Variants in SLC26A4 observed in about 807,000 individuals in gnomAD.
The protein encoded by SLC26A4 is pendrin.
A neutral mutation model predicts 90.4 loss-of-function variants in SLC26A4; 93 were observed. The ratio of observed to expected loss-of-function variants is 1.03; its 90% CI spans 0.87 to 1.22. The LOEUF is 1.22. Among genes scored for constraint, SLC26A4 ranks in the 50% most tolerant of loss-of-function variants. The probability of loss-of-function intolerance (pLI) is 0.00; values close to 1 mark genes in which losing one functional copy is unlikely to be tolerated. For synonymous variants in SLC26A4, 393 were observed against 354.6 expected (o/e 1.11, Z -1.22); for missense variants, 1,127 against 946.2 (o/e 1.19, Z -2.51).
intron 8 of SLC26A4, among the ~76,000 whole-genome samples, chr7:107,687,113 A>G (rs1791442580): frequency 6.6e-6 from 1 of 152,094 alleles, no homozygotes; most frequent in South Asian, 2.1e-4. Context: ...TGGGCCCTTC[A>G]GGGTTCACTT....
intron 6 of SLC26A4, among the ~76,000 whole-genome samples, chr7:107,675,827 C>T (rs1394716010): frequency 6.6e-6 from 1 of 152,102 alleles, no homozygotes; most frequent in Non-Finnish European, 1.5e-5. Flanking sequence ...CCACATCGGC[C>T]TCCCAAAGTG....
intron 6 of SLC26A4, among the ~76,000 whole-genome samples, chr7:107,682,890 T>C (rs544405602): frequency 1.3e-5 from 2 of 152,334 alleles, no homozygotes; most frequent in East Asian, 3.9e-4. Context: ...AAGACATCTT[T>C]ATTATTATCA....
intron 12 of SLC26A4, among the ~76,000 whole-genome samples, chr7:107,695,580 A>G (rs1345186735): frequency 6.6e-6 from 1 of 152,270 alleles, no homozygotes; most frequent in African/African-American, 2.4e-5. Context: ...AGGCAGGAGG[A>G]TCACTTGAGC....
At chr7:107,714,908 T>G (rs1361901629) in intron 20 of SLC26A4, among the ~76,000 whole-genome samples, 1 of 151,900 alleles carries the variant, frequency 6.6e-6, no homozygotes, top group Non-Finnish European at 1.5e-5. Flanking sequence ...TAATCATTGC[T>G]CTTAAATAAA....
chr7:107,675,384 G>A lies in SLC26A4; in HGVS notation c.765+275G>A, dbSNP rs1790997779. Among the ~76,000 whole-genome samples the A allele has an allele frequency of 3.3e-5, 5 of 151,370 alleles. No individual in the cohort carries two copies. The South Asian group carries it at 1.0e-3, about 32-fold the overall frequency. On this transcript the variant is annotated intron_variant, in intron 6 of 20. Transcript: ENST00000644269. ...TTGCTGGGTGTGGTGGTGCACACTTGTAGTCTCAGCTACTTGGGAGGCTGA... is the reference window on the plus strand; with the variant it reads ...TTGCTGGGTGTGGTGGTGCACACTTATAGTCTCAGCTACTTGGGAGGCTGA...
At chr7:107,687,752 G>T (rs1791457637) in intron 8 of SLC26A4, among the ~76,000 whole-genome samples, 1 of 152,222 alleles carries the variant, frequency 6.6e-6, no homozygotes, top group African/African-American at 2.4e-5. Flanking sequence ...AAGTTATCCT[G>T]ACAAGTCCGA....
At chr7:107,691,546 A>ACACACAC (rs61056189) in intron 10 of SLC26A4, among the ~76,000 whole-genome samples, 22 of 31,960 alleles carry the variant, frequency 6.9e-4, no homozygotes, top group African/African-American at 1.5e-3. Context: ...CACACACACA[A>ACACACAC]ACATATATAT....
chr7:107,663,441 A>G lies in SLC26A4; in HGVS notation c.304+6A>G. ...GCTAGTGGCCACGCTGCAAGGTAAG[A>G]TGTTGGCAGATTGAGAGTTCTGGTC... On this transcript the variant is annotated splice_donor_region_variant and intron_variant, in intron 3 of 20. Transcript: ENST00000644269. 6.2e-7 allele frequency: 1 copy of G among 1,613,848 alleles called. No homozygotes were observed. Among genetic ancestry groups the G allele is most frequent in the Non-Finnish European group, 8.5e-7 (1 of 1,179,878 alleles).
chr7:107,663,247 G>C, intron 2 of SLC26A4, 49 bp from the exon 3 acceptor site: 1 of 1,610,034 alleles, frequency 6.2e-7, no homozygotes, highest in Non-Finnish European at 8.5e-7. Flanking sequence ...TTGCAAATTG[G>C]TTGTGACTGA....
chr7:107,666,905 G>A (rs909817006), intron 3 of SLC26A4, among the ~76,000 whole-genome samples: 1 of 152,144 alleles, frequency 6.6e-6, no homozygotes, highest in Non-Finnish European at 1.5e-5. Flanking sequence ...GGGAGAATGG[G>A]TGTGTCAGCT....
chr7:107,691,268 G>A (rs567488819), intron 10 of SLC26A4, among the ~76,000 whole-genome samples: 2 of 152,090 alleles, frequency 1.3e-5, no homozygotes, highest in African/African-American at 4.8e-5. Flanking sequence ...TTGGGAGGCT[G>A]AGGTGGGCGG....
At position 107,679,920 on chromosome 7, in the gene SLC26A4, TAATATAA is replaced by T. The variant is rs1384146287; in HGVS notation, c.766-3281_766-3275del. On this transcript the variant is annotated intron_variant, in intron 6 of 20. Coordinates refer to ENST00000644269, the MANE Select transcript of SLC26A4 (RefSeq NM_000441.2). ...TAATCTTATATTATATGCTCTTATA[TAATATAA>T]TCTTATTATATAATCTTATCTTATA... Among the ~76,000 whole-genome samples, 34 of 140,326 alleles carry T rather than the reference TAATATAA, an allele frequency of 2.4e-4. 1 individual carries two copies. The highest frequency in any genetic ancestry group is 7.5e-4 in the African/African-American group (29 of 38,638). The allele number at this position is 140,326 out of a possible 152,430, so 92.1% of individuals were successfully genotyped here.
At chr7:107,699,107 TA>T (rs772083841) in intron 14 of SLC26A4, among the ~76,000 whole-genome samples, 10 of 152,174 alleles carry the variant, frequency 6.6e-5, no homozygotes, top group African/African-American at 9.7e-5. Context: ...ATCTTTCTGT[TA>T]TGTTGAGCCA....
chr7:107,690,599 T>C (rs937694582), intron 10 of SLC26A4, among the ~76,000 whole-genome samples: 1 of 152,188 alleles, frequency 6.6e-6, no homozygotes, highest in African/African-American at 2.4e-5. Flanking sequence ...TTCCTGGCTT[T>C]AGGAGCTATT....
rs973635106 is a variant in SLC26A4, at chr7:107,717,590, T to G, written c.*2144T>G. 7.9e-4 allele frequency: 120 copies of G among 152,754 alleles called. No homozygotes were observed. Among genetic ancestry groups the G allele is most frequent in the African/African-American group, 2.8e-3 (117 of 41,564 alleles). 9.5% of individuals were successfully genotyped at this position (152,754 alleles called of 1,614,324 possible). A position where few individuals can be genotyped will look rare whatever the true frequency, so the allele number is the denominator to read the frequency against. ...TCTCTTCTATGTATTTTGTGAATAG[T>G]AAGCATAATTTTAGTTTTGTATTAT... On this transcript the variant is annotated 3_prime_UTR_variant, in exon 21 of 21. Transcript: ENST00000644269.
Position 107,694,549 on chromosome 7 carries a change from CAGG to C in SLC26A4, c.1342-69_1342-67del. On this transcript the variant is annotated intron_variant, in intron 11 of 20. Coordinates refer to ENST00000644269, the MANE Select transcript of SLC26A4 (RefSeq NM_000441.2). ...CACTACTCTGCTACCAGATAAATAA[CAGG>C]AGATTTAACAATCATCACATGGAAA... The C allele has an allele frequency of 2.0e-6, 3 of 1,520,144 alleles. No individual in the cohort carries two copies. In the South Asian group the frequency reaches 3.4e-5, roughly 17 times the overall value. 94.2% of individuals were successfully genotyped at this position (1,520,144 alleles called of 1,614,324 possible).
chr7:107,672,220 C>G lies in SLC26A4; in HGVS notation c.387C>G (p.Ile129Met), dbSNP rs1427603833. The change falls in exon 4 of 21, where the codon ATC becomes ATG. Residue 129 changes from isoleucine to methionine, a missense_variant. By Grantham distance (10) the Ile-to-Met change is conservative. Coordinates refer to ENST00000644269, the MANE Select transcript of SLC26A4 (RefSeq NM_000441.2). ...TTTTCCCTATCCTGACATACTTTAT[C>G]TTTGGAACATCAAGACATATCTCAG... ...SAFFPILTYF[I>M]FGTSRHISVG... 14 of 1,604,642 alleles carry G rather than the reference C, an allele frequency of 8.7e-6. No individual in the cohort carries two copies. Among genetic ancestry groups the G allele is most frequent in the African/African-American group, 1.3e-5 (1 of 74,656 alleles).
chr7:107,694,100 C>T lies in SLC26A4; in HGVS notation c.1264-303C>T, dbSNP rs370916466. ...TAACTAGAAGCTTGGCCTGAATGGACGCCGAAACCGCAGGTGTGTACTATC... is the reference window on the plus strand; with the variant it reads ...TAACTAGAAGCTTGGCCTGAATGGATGCCGAAACCGCAGGTGTGTACTATC... On this transcript the variant is annotated intron_variant, in intron 10 of 20. Coordinates refer to ENST00000644269, the MANE Select transcript of SLC26A4 (RefSeq NM_000441.2). 1.3e-4 allele frequency among the ~76,000 whole-genome samples: 20 copies of T among 152,232 alleles called. No individual in the cohort carries two copies. The South Asian group carries it at 3.3e-3, about 25-fold the overall frequency.
At chr7:107,712,467 T>C (rs1361055291) in intron 19 of SLC26A4, 72 bp from the exon 20 acceptor site, 22 of 809,794 alleles carry the variant, frequency 2.7e-5, no homozygotes, top group South Asian at 1.2e-4. Flanking sequence ...CAGGAAAGCT[T>C]CAAATCATTT....
Sources: allele counts gnomAD v4.1 joint callset (sites outside exome capture counted in the v4.1 genomes callset), GRCh38; gene constraint gnomAD v4.1.1; transcripts MANE v1.5; gene names NCBI Gene and HGNC (gene_info 2026-07-23, HGNC 2026-07-21).